The following PHF24 variants were observed in gnomAD, a reference collection of about 807,000 sequenced individuals.
PHF24 encodes the protein Galpha inhibitory interacting protein.
PHF24 carries 25 observed loss-of-function variants against 42.6 expected under a neutral mutation model. The observed-to-expected ratio is 0.59, with a 90% CI of 0.43 to 0.82. The LOEUF is 0.82. Among genes scored for constraint, PHF24 ranks in the 40% least tolerant of loss-of-function variants. PHF24 has a pLI of 0.00. For synonymous variants in PHF24, 185 were observed against 204.8 expected, an observed-to-expected ratio of 0.90 and a Z score of 0.83; for missense variants, 470 against 538.1, an observed-to-expected ratio of 0.87 and a Z score of 1.25.
chr9:34,676,534 G>T, the PHF24 span, among the ~76,000 whole-genome samples: 1 of 152,160 alleles, frequency 6.6e-6, no homozygotes, highest in Non-Finnish European at 1.5e-5. Context: ...GCCAGGGATG[G>T]TGTACAGATC....
the PHF24 span, among the ~76,000 whole-genome samples, chr9:34,794,381 C>G: frequency 6.6e-6 from 1 of 152,152 alleles, no homozygotes; most frequent in African/African-American, 2.4e-5. Flanking sequence ...TAACCAAAAT[C>G]CAAAGTCCCA....
chr9:34,764,568 G>A, the PHF24 span, among the ~76,000 whole-genome samples: 70 of 151,656 alleles, frequency 4.6e-4, no homozygotes, highest in Non-Finnish European at 9.1e-4. Context: ...TTTTTATTGC[G>A]TCTATTTGAT....
chr9:34,774,455 A>G, the PHF24 span, among the ~76,000 whole-genome samples: 1 of 152,172 alleles, frequency 6.6e-6, no homozygotes, highest in Non-Finnish European at 1.5e-5. Flanking sequence ...TTGAGAAGGC[A>G]TTTCTTTAAA....
At chr9:34,853,504 T>A in the PHF24 span, among the ~76,000 whole-genome samples, 1 of 152,200 alleles carries the variant, frequency 6.6e-6, no homozygotes, top group Non-Finnish European at 1.5e-5. Flanking sequence ...AGTCCCTTCT[T>A]TTCAATTGTT....
At chr9:34,689,559 G>A in the PHF24 span, 1 of 496,928 alleles carries the variant, frequency 2.0e-6, no homozygotes, top group Non-Finnish European at 3.6e-6. The surrounding 1 kb of genome is among the most constrained non-coding windows in gnomAD (Gnocchi z 4.1). Context: ...TCTGTAACAG[G>A]TTGTGATCAA....
At chr9:34,823,040 C>T in the PHF24 span, among the ~76,000 whole-genome samples, 2 of 149,184 alleles carry the variant, frequency 1.3e-5, no homozygotes, top group Admixed American at 1.3e-4. Flanking sequence ...ACTAAAAATA[C>T]AAAAAATTAG....
chr9:34,762,209 C>T, the PHF24 span, among the ~76,000 whole-genome samples: 7 of 151,714 alleles, frequency 4.6e-5, no homozygotes, highest in Non-Finnish European at 7.4e-5. Flanking sequence ...TGGGTATATA[C>T]CCAGTAATGG....
At chr9:34,834,847 G>A in the PHF24 span, 1 of 1,531,408 alleles carries the variant, frequency 6.5e-7, no homozygotes, top group Non-Finnish European at 8.8e-7. Context: ...GGGCTGACTG[G>A]GGTGAAGTTT....
At chr9:34,955,609 G>A (rs570684536), upstream of PHF24, among the ~76,000 whole-genome samples, 31 of 152,224 alleles carry the variant, frequency 2.0e-4, no homozygotes, top group Non-Finnish European at 3.7e-4. Flanking sequence ...CCTGGGAGGC[G>A]GAGGTTGCAG....
chr9:34,839,630 C>T, the PHF24 span, among the ~76,000 whole-genome samples: 3 of 152,188 alleles, frequency 2.0e-5, no homozygotes, highest in Non-Finnish European at 2.9e-5. Flanking sequence ...ATTCATCCAG[C>T]ATCCCATCCT....
the PHF24 span, among the ~76,000 whole-genome samples, chr9:34,866,063 G>A: frequency 6.6e-6 from 1 of 152,220 alleles, no homozygotes; most frequent in East Asian, 1.9e-4. Flanking sequence ...ATTATACAAT[G>A]TCATGAATAT....
the PHF24 span, among the ~76,000 whole-genome samples, chr9:34,814,740 G>A: frequency 1.3e-5 from 2 of 152,162 alleles, no homozygotes; most frequent in African/African-American, 4.8e-5. Flanking sequence ...CGCAGATCCT[G>A]TACAATTCTT....
chr9:34,814,264 T>G, the PHF24 span, among the ~76,000 whole-genome samples: 1 of 152,206 alleles, frequency 6.6e-6, no homozygotes, highest in Non-Finnish European at 1.5e-5. Context: ...TTTGTCTTGT[T>G]TTTTCTTACT....
At chr9:34,922,789 A>C in the PHF24 span, 1 of 1,592,594 alleles carries the variant, frequency 6.3e-7, no homozygotes, top group Non-Finnish European at 8.5e-7. Context: ...TAAGCAACTG[A>C]GAGAAGATTC....
At chr9:34,835,968 C>T in the PHF24 span, 1 of 716,326 alleles carries the variant, frequency 1.4e-6, no homozygotes, top group Non-Finnish European at 2.6e-6. Context: ...GCTGAATCTC[C>T]AGAGCCATAG....
At chr9:34,948,934 A>C in the PHF24 span, among the ~76,000 whole-genome samples, 6 of 152,256 alleles carry the variant, frequency 3.9e-5, no homozygotes, top group Non-Finnish European at 7.3e-5. Flanking sequence ...AACTATTACC[A>C]GGAGTAAAGA....
chr9:34,862,770 A>G, the PHF24 span, among the ~76,000 whole-genome samples: 1 of 151,178 alleles, frequency 6.6e-6, no homozygotes, highest in African/African-American at 2.4e-5. Flanking sequence ...TAGAGGAAAA[A>G]GTAAAGGGGA....
At chr9:34,714,234 AT>A in the PHF24 span, among the ~76,000 whole-genome samples, 1 of 152,220 alleles carries the variant, frequency 6.6e-6, no homozygotes, top group Non-Finnish European at 1.5e-5. Flanking sequence ...AGGAGATAAG[AT>A]TTCTTGGATC....
chr9:34,862,738 A>G, the PHF24 span, among the ~76,000 whole-genome samples: 1 of 151,400 alleles, frequency 6.6e-6, no homozygotes, highest in East Asian at 2.0e-4. Context: ...TATGGGGGAA[A>G]GTGCCTTCTG....
Sources: gnomAD v4.1 joint callset for allele counts (sites outside exome capture counted in the v4.1 genomes callset) on GRCh38, gnomAD v4.1.1 for gene constraint, Gnocchi (gnomAD v3.1) non-coding constraint, MANE v1.5 for transcripts, NCBI Gene and HGNC (gene_info 2026-07-23, HGNC 2026-07-21) for gene names.